Variants in NCKAP1 observed in about 807,000 individuals in gnomAD.
NCKAP1 encodes NCK associated protein 1.
In NCKAP1, 21 loss-of-function variants were observed where a neutral mutation model predicts 151.2. That is an observed-to-expected ratio of 0.14 (90% CI 0.10 to 0.20). The LOEUF (loss-of-function observed/expected upper bound fraction) is 0.20, where lower values mean the gene tolerates loss of function less well. NCKAP1 is among the 10% of genes least tolerant of loss of function. The pLI is 1.00. For missense variants in NCKAP1, 933 were observed against 1,352.1 expected, an observed-to-expected ratio of 0.69 and a Z score of 4.86; for synonymous variants, 484 against 451.8, an observed-to-expected ratio of 1.07 and a Z score of -0.90.
intron 2 of NCKAP1, among the ~76,000 whole-genome samples, chr2:183,007,337 T>C (rs951483228): frequency 6.6e-6 from 1 of 152,228 alleles, no homozygotes; most frequent in African/African-American, 2.4e-5. Flanking sequence ...ATATCAGGCA[T>C]GCTTATGGCA....
At chr2:182,972,873 TATG>T (rs1364910679) in intron 15 of NCKAP1, among the ~76,000 whole-genome samples, 1 of 152,112 alleles carries the variant, frequency 6.6e-6, no homozygotes, top group African/African-American at 2.4e-5. Context: ...CAGAGAATAG[TATG>T]ATGGTTATAA....
Position 182,923,149 on chromosome 2 carries a change from G to A in NCKAP1, c.*2553C>T, listed in dbSNP as rs1201568465. 6.6e-6 allele frequency: 1 copy of A among 152,022 alleles called. No homozygotes were observed. Among genetic ancestry groups the A allele is most frequent in the Non-Finnish European group, 1.5e-5 (1 of 68,000 alleles). The allele number at this position is 152,022 out of a possible 1,614,324, so 9.4% of individuals were successfully genotyped here. On this transcript the variant is annotated 3_prime_UTR_variant, in exon 31 of 31. Coordinates refer to ENST00000361354, the MANE Select transcript of NCKAP1 (RefSeq NM_013436.5). ...TAAGTGAATGAAAAAGCAGCAGAAA[G>A]GAAGCAATTTTACTTCTGAAAAATT... is the stretch of plus-strand genomic sequence containing the variant.
At chr2:182,931,496 TACTC>T (rs1279960636) in intron 26 of NCKAP1, among the ~76,000 whole-genome samples, 2 of 152,110 alleles carry the variant, frequency 1.3e-5, no homozygotes, top group African/African-American at 2.4e-5. Flanking sequence ...TGTAATCTAT[TACTC>T]ACTTCACACA....
At chr2:183,016,235 TAA>T (rs1698685375) in intron 2 of NCKAP1, among the ~76,000 whole-genome samples, 2 of 152,218 alleles carry the variant, frequency 1.3e-5, no homozygotes, top group Admixed American at 1.3e-4. Context: ...TGGGCAAAAA[TAA>T]AAAACAAAAA....
At chr2:183,035,655 T>C (rs770084765) in intron 1 of NCKAP1, among the ~76,000 whole-genome samples, 1 of 152,176 alleles carries the variant, frequency 6.6e-6, no homozygotes, top group Non-Finnish European at 1.5e-5. Context: ...TGGCAAGATA[T>C]TTGAACAAAT....
chr2:182,926,410 T>A (rs1271979782), intron 30 of NCKAP1, among the ~76,000 whole-genome samples: 1 of 151,878 alleles, frequency 6.6e-6, no homozygotes, highest in Non-Finnish European at 1.5e-5. Context: ...CAAGAGCTGG[T>A]TCACAGATAC....
At chr2:183,005,760 T>C (rs760511715) in intron 2 of NCKAP1, among the ~76,000 whole-genome samples, 22 of 152,146 alleles carry the variant, frequency 1.4e-4, no homozygotes, top group Non-Finnish European at 2.4e-4. Context: ...ACACACTACA[T>C]ACGGTAGCCA....
At chr2:182,935,174 T>G (rs1696848774) in intron 25 of NCKAP1, 119 bp downstream of exon 25, 1 of 780,272 alleles carries the variant, frequency 1.3e-6, no homozygotes, top group African/African-American at 1.8e-5. Context: ...CTGTAACTAC[T>G]AAAACTGGAA....
chr2:182,948,509 T>C (rs1697152081), intron 23 of NCKAP1, among the ~76,000 whole-genome samples: 1 of 152,132 alleles, frequency 6.6e-6, no homozygotes, highest in Admixed American at 6.5e-5. Flanking sequence ...CCATTTCTTC[T>C]CAAGAATGAG....
chr2:183,034,551 C>A (rs1483245625), intron 1 of NCKAP1, among the ~76,000 whole-genome samples: 3 of 152,074 alleles, frequency 2.0e-5, no homozygotes, highest in Admixed American at 6.6e-5. Context: ...AAACCACACA[C>A]ACAAAAATTT....
At chr2:182,959,464 T>C (rs1037009852) in intron 18 of NCKAP1, among the ~76,000 whole-genome samples, 1 of 152,174 alleles carries the variant, frequency 6.6e-6, no homozygotes, top group Admixed American at 6.5e-5. Context: ...ATCCAGCATA[T>C]AAACAGAACC....
At chr2:183,002,746 T>G (rs572174649) in intron 4 of NCKAP1, among the ~76,000 whole-genome samples, 9 of 152,148 alleles carry the variant, frequency 5.9e-5, no homozygotes, top group Non-Finnish European at 1.0e-4. Flanking sequence ...AATAAAATAC[T>G]AAAGTTAACG....
intron 18 of NCKAP1, among the ~76,000 whole-genome samples, chr2:182,958,074 T>G (rs1292372909): frequency 6.6e-6 from 1 of 152,046 alleles, no homozygotes; most frequent in Non-Finnish European, 1.5e-5. Flanking sequence ...AAGCTAGAGG[T>G]TGGATTGTAA....
chr2:182,987,175 G>C (rs1270395623), intron 9 of NCKAP1, among the ~76,000 whole-genome samples: 2 of 152,172 alleles, frequency 1.3e-5, no homozygotes, highest in Middle Eastern at 3.2e-3. Flanking sequence ...CCGTGAGGCA[G>C]AGGTTGCAGT....
At chr2:182,968,359 A>C (rs1331238185) in intron 15 of NCKAP1, among the ~76,000 whole-genome samples, 1 of 152,176 alleles carries the variant, frequency 6.6e-6, no homozygotes, top group Non-Finnish European at 1.5e-5. Flanking sequence ...ATAGTGGGAA[A>C]CAGAATTATA....
At chr2:182,980,462 T>C (rs1414821986) in intron 13 of NCKAP1, among the ~76,000 whole-genome samples, 4 of 152,062 alleles carry the variant, frequency 2.6e-5, no homozygotes, top group Admixed American at 6.6e-5. Context: ...TTATACTATG[T>C]ATTAGCTTAC....
chr2:183,018,145 G>A (rs780341631), intron 2 of NCKAP1, among the ~76,000 whole-genome samples: 1 of 152,120 alleles, frequency 6.6e-6, no homozygotes, highest in Non-Finnish European at 1.5e-5. Flanking sequence ...TACTCGGGAA[G>A]CTGAGGCAGG....
At chr2:182,949,623 G>A (rs951515938) in intron 23 of NCKAP1, among the ~76,000 whole-genome samples, 2 of 152,054 alleles carry the variant, frequency 1.3e-5, no homozygotes, top group Non-Finnish European at 2.9e-5. Flanking sequence ...GCAATATGGC[G>A]AAACCCTGTC....
At chr2:182,987,762 AT>A (rs1698085617) in intron 9 of NCKAP1, among the ~76,000 whole-genome samples, 1 of 152,218 alleles carries the variant, frequency 6.6e-6, no homozygotes, top group Non-Finnish European at 1.5e-5. Context: ...GTATTCCACC[AT>A]CTAAAATAAG....
Sources: allele counts gnomAD v4.1 joint callset (sites outside exome capture counted in the v4.1 genomes callset), GRCh38; gene constraint gnomAD v4.1.1; transcripts MANE v1.5; gene names NCBI Gene and HGNC (gene_info 2026-07-23, HGNC 2026-07-21).